The following STK3 variants were observed in gnomAD, a reference collection of about 807,000 sequenced individuals.
STK3 encodes the protein serine/threonine-protein kinase 3.
A neutral mutation model predicts 58.0 loss-of-function variants in STK3; 41 were observed. The ratio of observed to expected loss-of-function variants is 0.71; its 90% CI spans 0.55 to 0.92. The LOEUF (loss-of-function observed/expected upper bound fraction) is 0.92. STK3 is among the 40% of genes least tolerant of loss of function. The pLI is 0.00. For synonymous variants in STK3, 170 were observed against 191.0 expected (o/e 0.89, Z 0.91); for missense variants, 479 against 602.7 (o/e 0.79, Z 2.15).
chr8:98,507,109 T>C (rs767499660), intron 10 of STK3, among the ~76,000 whole-genome samples: 4 of 152,218 alleles, frequency 2.6e-5, no homozygotes, highest in Non-Finnish European at 5.9e-5. Flanking sequence ...CTTCTCTATA[T>C]ATACTCATTT....
At chr8:98,612,244 C>T (rs1817259102) in intron 6 of STK3, among the ~76,000 whole-genome samples, 2 of 150,550 alleles carry the variant, frequency 1.3e-5, no homozygotes, top group Admixed American at 1.3e-4. Flanking sequence ...AAACCATGGA[C>T]ATTATGAATA....
At chr8:98,480,336 C>T (rs937513938) in intron 10 of STK3, among the ~76,000 whole-genome samples, 12 of 152,112 alleles carry the variant, frequency 7.9e-5, no homozygotes, top group Non-Finnish European at 1.2e-4. Context: ...TTGGAATCAT[C>T]GGACTTCTCT....
chr8:98,782,402 C>T, intron 1 of STK3: 1 of 241,856 alleles, frequency 4.1e-6, no homozygotes, highest in Admixed American at 4.1e-5. Context: ...ACATGTATCA[C>T]AGCCTGTACC....
At chr8:98,920,707 C>T (rs941633668) in intron 1 of STK3, among the ~76,000 whole-genome samples, 2 of 144,482 alleles carry the variant, frequency 1.4e-5, no homozygotes, top group African/African-American at 5.8e-5. Flanking sequence ...TGCTGGCCTA[C>T]AGCCATGCTC....
intron 1 of STK3, among the ~76,000 whole-genome samples, chr8:98,785,642 T>G (rs985614753): frequency 1.3e-5 from 2 of 152,090 alleles, no homozygotes; most frequent in African/African-American, 4.8e-5. Context: ...CTGCTCCCAG[T>G]AAACAAGGAT....
chr8:98,423,743 C>T lies in STK3; in HGVS notation n.483+10384G>A, dbSNP rs980719786. Among the ~76,000 whole-genome samples the T allele has an allele frequency of 3.3e-5, 5 of 152,200 alleles. No homozygotes were observed. In the East Asian group the frequency reaches 9.6e-4, roughly 29 times the overall value. On this transcript the variant is annotated intron_variant and non_coding_transcript_variant, in intron 3 of 3. Coordinates refer to the STK3 transcript ENST00000517832. Reference sequence around the variant, plus strand: ...GTGGGGAATGTAGGTCAGGCAGCTCCCTCAGCCAAGCTGCCAGTGCAGCCC... The same window carrying T: ...GTGGGGAATGTAGGTCAGGCAGCTCTCTCAGCCAAGCTGCCAGTGCAGCCC...
chr8:98,412,828 T>C (rs972583531), intron 3 of STK3: 1 of 171,684 alleles, frequency 5.8e-6, no homozygotes, highest in Non-Finnish European at 1.2e-5. Flanking sequence ...CTCTCTCTTA[T>C]AGAATATAAA....
chr8:98,636,885 C>T (rs1223953770), intron 6 of STK3, among the ~76,000 whole-genome samples: 1 of 151,984 alleles, frequency 6.6e-6, no homozygotes, highest in Non-Finnish European at 1.5e-5. Context: ...CTATCCAAAA[C>T]TAATAAAATA....
At chr8:98,535,854 T>C (rs1447233566) in intron 9 of STK3, among the ~76,000 whole-genome samples, 1 of 151,996 alleles carries the variant, frequency 6.6e-6, no homozygotes, top group Non-Finnish European at 1.5e-5. Flanking sequence ...ATAAAAACCT[T>C]CAAAACAGAA....
intron 1 of STK3, among the ~76,000 whole-genome samples, chr8:98,785,970 T>G (rs1047114580): frequency 1.3e-5 from 2 of 152,102 alleles, no homozygotes; most frequent in Admixed American, 6.6e-5. Flanking sequence ...AAAATCTGAA[T>G]GTAGTGCCAC....
intron 1 of STK3, among the ~76,000 whole-genome samples, chr8:98,894,040 A>T (rs527702332): frequency 8.5e-5 from 13 of 152,174 alleles, no homozygotes; most frequent in Non-Finnish European, 1.9e-4. Context: ...AGTTTGTTAT[A>T]CTACTGACCT....
At chr8:98,511,983 T>C (rs957261707) in intron 10 of STK3, among the ~76,000 whole-genome samples, 4 of 152,086 alleles carry the variant, frequency 2.6e-5, no homozygotes, top group African/African-American at 7.2e-5. Context: ...TTTTAATTAT[T>C]ATTACACTTT....
downstream of STK3, chr8:98,879,594 AC>A (rs1837719032): frequency 1.3e-5 from 2 of 152,166 alleles, no homozygotes; most frequent in South Asian, 4.1e-4. Context: ...CTGCCACAAA[AC>A]CTAAAGAGCT....
intron 1 of STK3, among the ~76,000 whole-genome samples, chr8:98,885,577 T>C (rs757947301): frequency 3.3e-5 from 5 of 152,086 alleles, no homozygotes; most frequent in Admixed American, 6.6e-5. Flanking sequence ...GTAGCTGGGA[T>C]TACAGGCATG....
intron 6 of STK3, among the ~76,000 whole-genome samples, chr8:98,630,661 AAGGAGAAGGAGGAGAAGG>A (rs1180621568): frequency 6.7e-6 from 1 of 148,782 alleles, no homozygotes; most frequent in Non-Finnish European, 1.5e-5. Flanking sequence ...GGAGAAGGAG[AAGGAGAAGGAGGAGAAGG>A]AGGAGAAGGA....
intron 6 of STK3, chr8:98,633,489 T>A (rs973797623): frequency 1.2e-4 from 73 of 627,724 alleles, no homozygotes; most frequent in Admixed American, 3.0e-4. Context: ...GGTAGAACGA[T>A]GGCGGTGGCG....
chr8:98,803,745 C>T (rs185969978), intron 1 of STK3, among the ~76,000 whole-genome samples: 14 of 151,794 alleles, frequency 9.2e-5, no homozygotes, highest in Middle Eastern at 3.4e-3. Flanking sequence ...ATCTTTAAAA[C>T]GGGTACAAAA....
intron 6 of STK3, among the ~76,000 whole-genome samples, chr8:98,626,300 T>C (rs1039039360): frequency 6.6e-6 from 1 of 152,036 alleles, no homozygotes; most frequent in African/African-American, 2.4e-5. Context: ...AAAGAAACAC[T>C]CTCTTCCCAA....
chr8:98,808,629 C>A (rs147320897), intron 1 of STK3, among the ~76,000 whole-genome samples: 1 of 152,074 alleles, frequency 6.6e-6, no homozygotes, highest in Admixed American at 6.6e-5. Context: ...AGCTCTTGTG[C>A]AACAATTACT....
Sources: gnomAD v4.1 joint callset for allele counts (sites outside exome capture counted in the v4.1 genomes callset) on GRCh38, gnomAD v4.1.1 for gene constraint, MANE v1.5 for transcripts, NCBI Gene and HGNC (gene_info 2026-07-23, HGNC 2026-07-21) for gene names.